Variants in COL22A1 observed in about 807,000 individuals in gnomAD.
COL22A1 encodes the protein collagen alpha-1(XXII) chain.
COL22A1 carries 221 observed loss-of-function variants against 248.9 expected under a neutral mutation model. The ratio of observed to expected loss-of-function variants is 0.89; its 90% CI spans 0.80 to 0.99. COL22A1 has a LOEUF of 0.99. COL22A1 is among the 50% of genes least tolerant of loss of function. The pLI is 0.00. For synonymous variants in COL22A1, 891 were observed against 793.4 expected (o/e 1.12, Z -2.07); for missense variants, 2,240 against 2,179.0 (o/e 1.03, Z -0.56).
intron 37 of COL22A1, among the ~76,000 whole-genome samples, chr8:138,687,926 A>T (rs1018594961): frequency 1.3e-5 from 2 of 152,166 alleles, no homozygotes; most frequent in African/African-American, 4.8e-5. Flanking sequence ...GACAACAAAA[A>T]ATATCTCCCT....
intron 10 of COL22A1, among the ~76,000 whole-genome samples, chr8:138,804,810 G>A (rs1586783074): frequency 6.8e-6 from 1 of 148,144 alleles, no homozygotes; most frequent in South Asian, 2.2e-4. Context: ...GTGTGTGATG[G>A]GATGTGTGTG....
At chr8:138,779,651 T>C (rs1814784161) in intron 13 of COL22A1, 89 bp from the exon 14 acceptor site, 1 of 868,882 alleles carries the variant, frequency 1.2e-6, no homozygotes, top group East Asian at 2.4e-5. Flanking sequence ...GGGCCTCTGC[T>C]TCCTGCAGCT....
chr8:138,702,994 C>T (rs1370924434), intron 31 of COL22A1, among the ~76,000 whole-genome samples: 4 of 152,204 alleles, frequency 2.6e-5, no homozygotes, highest in African/African-American at 4.8e-5. Context: ...GTAGTGCAGT[C>T]TTACGCTGGG....
intron 3 of COL22A1, among the ~76,000 whole-genome samples, chr8:138,869,104 G>A (rs1823122351): frequency 6.6e-6 from 1 of 152,156 alleles, no homozygotes; most frequent in African/African-American, 2.4e-5. Flanking sequence ...TAACAGAGAG[G>A]AAGGAGACAG....
At chr8:138,806,195 T>C (rs1327942857) in intron 10 of COL22A1, among the ~76,000 whole-genome samples, 9 of 89,928 alleles carry the variant, frequency 1.0e-4, no homozygotes, top group Admixed American at 1.3e-4. Context: ...TGTGATGGTG[T>C]GTGTGTGATG....
chr8:138,885,843 A>G (rs1824626214), intron 1 of COL22A1, among the ~76,000 whole-genome samples: 1 of 152,222 alleles, frequency 6.6e-6, no homozygotes, highest in African/African-American at 2.4e-5. Flanking sequence ...TATTACAGGC[A>G]TGAGCCACTG....
intron 30 of COL22A1, among the ~76,000 whole-genome samples, chr8:138,713,724 G>T (rs959329094): frequency 6.9e-6 from 1 of 145,364 alleles, no homozygotes; most frequent in African/African-American, 2.8e-5. Flanking sequence ...CCACCGCCCC[G>T]CCGTAGGGGG....
intron 18 of COL22A1, among the ~76,000 whole-genome samples, chr8:138,758,857 A>G (rs974517963): frequency 1.7e-4 from 26 of 152,180 alleles, no homozygotes; most frequent in Non-Finnish European, 3.2e-4. Context: ...CCAAATATGA[A>G]GGGCCAAACC....
At chr8:138,884,547 T>A (rs567750115) in intron 1 of COL22A1, among the ~76,000 whole-genome samples, 63 of 152,132 alleles carry the variant, frequency 4.1e-4, no homozygotes, top group Admixed American at 3.3e-4. Flanking sequence ...AACAGAAAAA[T>A]ATTAAGATGG....
At chr8:138,834,482 C>A (rs1190318606) in intron 4 of COL22A1, among the ~76,000 whole-genome samples, 1 of 152,110 alleles carries the variant, frequency 6.6e-6, no homozygotes, top group African/African-American at 2.4e-5. Context: ...CCACGCCAAG[C>A]ATTGTGTAAG....
chr8:138,841,428 C>T (rs1820873556), intron 4 of COL22A1, among the ~76,000 whole-genome samples: 1 of 152,128 alleles, frequency 6.6e-6, no homozygotes, highest in Non-Finnish European at 1.5e-5. Flanking sequence ...CAAGCAGTTT[C>T]CTGGAGGTGA....
intron 40 of COL22A1, 72 bp from the exon 41 acceptor site, chr8:138,676,707 A>C: frequency 1.8e-6 from 2 of 1,125,144 alleles, no homozygotes; most frequent in Non-Finnish European, 2.6e-6. Flanking sequence ...AAAATGAATC[A>C]TGCTTCTTCT....
At chr8:138,802,830 G>T in intron 11 of COL22A1, 42 bp downstream of exon 11, 1 of 1,532,512 alleles carries the variant, frequency 6.5e-7, no homozygotes, top group Non-Finnish European at 9.0e-7. Flanking sequence ...CCCCACGCCC[G>T]CCCTGAGGTT....
At chr8:138,700,261 G>C (rs930033026) in intron 31 of COL22A1, 117 bp from the exon 32 acceptor site, 47 of 890,908 alleles carry the variant, frequency 5.3e-5, no homozygotes, top group African/African-American at 1.7e-5. Flanking sequence ...AAGCTTCCTG[G>C]AACGATTATT....
chr8:138,631,461 C>T (rs1487031437), intron 49 of COL22A1, among the ~76,000 whole-genome samples: 1 of 152,136 alleles, frequency 6.6e-6, no homozygotes, highest in Non-Finnish European at 1.5e-5. Context: ...CAGCTAATAT[C>T]AGGCAACATT....
At chr8:138,598,120 T>C (rs955965772) in intron 61 of COL22A1, among the ~76,000 whole-genome samples, 5 of 152,226 alleles carry the variant, frequency 3.3e-5, no homozygotes, top group Non-Finnish European at 7.3e-5. Flanking sequence ...AGCCCGTGTA[T>C]GCCTGTGTCA....
chr8:138,806,171 TGTAA>T (rs1817698342), intron 10 of COL22A1, among the ~76,000 whole-genome samples: 2 of 97,046 alleles, frequency 2.1e-5, no homozygotes, highest in African/African-American at 1.1e-4. Context: ...TGTGTGATGG[TGTAA>T]GTAATGGTGT....
chr8:138,684,828 C>A (rs1564190390), intron 38 of COL22A1, among the ~76,000 whole-genome samples: 1 of 152,220 alleles, frequency 6.6e-6, no homozygotes, highest in Non-Finnish European at 1.5e-5. Flanking sequence ...GCACTCACAG[C>A]CACAATGAAA....
chr8:138,591,628 G>C (rs1421461783), intron 63 of COL22A1, 127 bp from the exon 64 acceptor site: 2 of 566,798 alleles, frequency 3.5e-6, no homozygotes, highest in Non-Finnish European at 5.9e-6. Context: ...AAACCACCCT[G>C]AGCACACACA....
Sources: gnomAD v4.1 joint callset for allele counts (sites outside exome capture counted in the v4.1 genomes callset) on GRCh38, gnomAD v4.1.1 for gene constraint, MANE v1.5 for transcripts, NCBI Gene and HGNC (gene_info 2026-07-23, HGNC 2026-07-21) for gene names.